RBFOX1: variants seen among roughly 807,000 people sequenced by gnomAD.
The protein encoded by RBFOX1 is RNA binding protein fox-1 homolog 1.
RBFOX1 carries 8 observed loss-of-function variants against 57.7 expected under a neutral mutation model. The observed-to-expected ratio is 0.14, with a 90% CI of 0.08 to 0.25. RBFOX1 has a LOEUF of 0.25. Ranked by LOEUF, RBFOX1 falls within the 10% of genes least tolerant of loss-of-function variation. The probability of loss-of-function intolerance (pLI) is 1.00; values close to 1 mark genes in which losing one functional copy is unlikely to be tolerated. For synonymous variants in RBFOX1, 326 were observed against 222.4 expected, an observed-to-expected ratio of 1.47 and a Z score of -4.15; for missense variants, 611 against 548.5, an observed-to-expected ratio of 1.11 and a Z score of -1.14.
intron 11 of RBFOX1, among the ~76,000 whole-genome samples, chr16:7,636,847 G>GAC (rs58939105): frequency 0.43 from 65,183 of 151,508 alleles, 14,484 homozygotes; most frequent in East Asian, 0.75. Flanking sequence ...GAGAGAAACA[G>GAC]AGAGAGAGAG....
intron 3 of RBFOX1, among the ~76,000 whole-genome samples, chr16:6,911,317 G>A (rs2071531207): frequency 6.6e-6 from 1 of 151,986 alleles, no homozygotes; most frequent in Non-Finnish European, 1.5e-5. Flanking sequence ...GAAATGTTTT[G>A]CCTTACACTT....
intron 1 of RBFOX1, among the ~76,000 whole-genome samples, chr16:5,363,766 G>A (rs1416059784): frequency 6.6e-6 from 1 of 152,322 alleles, no homozygotes; most frequent in South Asian, 2.1e-4. Flanking sequence ...ATTCACTGTT[G>A]TATTACCAGG....
At chr16:7,571,655 A>C (rs2152774931) in intron 5 of RBFOX1, among the ~76,000 whole-genome samples, 1 of 152,206 alleles carries the variant, frequency 6.6e-6, no homozygotes, top group East Asian at 1.9e-4. Context: ...AGGCCTTCAC[A>C]CTGGGCCCGG....
At chr16:6,722,228 G>A (rs1244835381) in intron 3 of RBFOX1, among the ~76,000 whole-genome samples, 1 of 152,194 alleles carries the variant, frequency 6.6e-6, no homozygotes, top group Non-Finnish European at 1.5e-5. Context: ...CCACTATCCT[G>A]TTTTCCAAGA....
At chr16:6,634,922 T>C (rs2098419884) in intron 2 of RBFOX1, among the ~76,000 whole-genome samples, 1 of 140,340 alleles carries the variant, frequency 7.1e-6, no homozygotes, top group Non-Finnish European at 1.5e-5. Flanking sequence ...ATTTATATAA[T>C]ATAATATAAT....
chr16:7,071,360 T>C (rs965081639), intron 4 of RBFOX1, among the ~76,000 whole-genome samples: 1 of 152,114 alleles, frequency 6.6e-6, no homozygotes, highest in African/African-American at 2.4e-5. Flanking sequence ...TTGTTAGTCA[T>C]GAAATTAGGT....
At chr16:7,406,652 T>G (rs2098344888) in intron 4 of RBFOX1, among the ~76,000 whole-genome samples, 1 of 152,218 alleles carries the variant, frequency 6.6e-6, no homozygotes, top group African/African-American at 2.4e-5. Context: ...CGCACCCACA[T>G]GGCAGATTGT....
chr16:5,351,285 C>T (rs1440389516), intron 1 of RBFOX1, among the ~76,000 whole-genome samples: 1 of 152,158 alleles, frequency 6.6e-6, no homozygotes, highest in African/African-American at 2.4e-5. Flanking sequence ...AGCGCTATGC[C>T]AGGGCTTTGA....
chr16:5,524,564 A>G (rs1399143235), intron 2 of RBFOX1, among the ~76,000 whole-genome samples: 11 of 148,450 alleles, frequency 7.4e-5, no homozygotes, highest in Admixed American at 7.4e-4. Context: ...TTTTTGAGAC[A>G]GAGTCTTGCT....
chr16:7,000,857 C>A (rs1029993302), intron 3 of RBFOX1, among the ~76,000 whole-genome samples: 5 of 152,070 alleles, frequency 3.3e-5, no homozygotes, highest in Non-Finnish European at 5.9e-5. Flanking sequence ...CCGCCTCGGC[C>A]TCCCAAAGTG....
intron 1 of RBFOX1, among the ~76,000 whole-genome samples, chr16:6,221,036 T>C (rs1167643200): frequency 6.6e-6 from 1 of 152,176 alleles, no homozygotes; most frequent in African/African-American, 2.4e-5. Context: ...AATTAAATTT[T>C]ACTCTTTTTA....
intron 4 of RBFOX1, among the ~76,000 whole-genome samples, chr16:5,913,935 C>A (rs933022833): frequency 1.3e-5 from 2 of 152,236 alleles, no homozygotes; most frequent in African/African-American, 4.8e-5. Context: ...TTCTGTCACT[C>A]CTCTCATTCC....
At chr16:7,444,943 G>A (rs146125290) in intron 4 of RBFOX1, among the ~76,000 whole-genome samples, 27 of 152,014 alleles carry the variant, frequency 1.8e-4, no homozygotes, top group African/African-American at 6.0e-4. Flanking sequence ...CAACAAATCC[G>A]TAATCATGGT....
chr16:6,568,461 A>G (rs1204787421), intron 2 of RBFOX1, among the ~76,000 whole-genome samples: 1 of 152,130 alleles, frequency 6.6e-6, no homozygotes, highest in African/African-American at 2.4e-5. Flanking sequence ...AAGAAGGGAG[A>G]GATGCTAAGA....
chr16:6,436,313 C>T (rs2094231296), intron 2 of RBFOX1, among the ~76,000 whole-genome samples: 1 of 152,046 alleles, frequency 6.6e-6, no homozygotes, highest in Admixed American at 6.6e-5. Flanking sequence ...CCTCTTAATG[C>T]CTTTTCTCTG....
intron 1 of RBFOX1, among the ~76,000 whole-genome samples, chr16:5,420,838 C>A (rs980248464): frequency 6.6e-6 from 1 of 151,084 alleles, no homozygotes; most frequent in Non-Finnish European, 1.5e-5. Flanking sequence ...GCCCAGCCAT[C>A]GTCTACCACC....
chr16:6,487,632 G>A (rs1039305583), intron 2 of RBFOX1, among the ~76,000 whole-genome samples: 19 of 132,442 alleles, frequency 1.4e-4, no homozygotes, highest in Admixed American at 7.7e-5. Context: ...AATTATAGTA[G>A]AACTAGTGTT....
chr16:6,241,908 T>C (rs1047161064), intron 1 of RBFOX1, among the ~76,000 whole-genome samples: 1 of 152,234 alleles, frequency 6.6e-6, no homozygotes, highest in African/African-American at 2.4e-5. Context: ...ATGGAAATTC[T>C]GCTTAGGGTT....
chr16:6,613,223 C>T (rs552020601), intron 2 of RBFOX1, among the ~76,000 whole-genome samples: 3 of 152,196 alleles, frequency 2.0e-5, no homozygotes, highest in East Asian at 1.9e-4. Flanking sequence ...CCCCACTGTG[C>T]ACTTCCCTTC....
Sources: allele counts gnomAD v4.1 joint callset (sites outside exome capture counted in the v4.1 genomes callset), GRCh38; gene constraint gnomAD v4.1.1; transcripts MANE v1.5; gene names NCBI Gene and HGNC (gene_info 2026-07-23, HGNC 2026-07-21).